Variants in DPP10 observed in about 807,000 individuals in gnomAD.
DPP10 encodes inactive dipeptidyl peptidase 10.
In DPP10, 33 loss-of-function variants were observed where a neutral mutation model predicts 120.9. The ratio of observed to expected loss-of-function variants is 0.27; its 90% CI spans 0.21 to 0.37. DPP10 has a LOEUF of 0.37. Among genes scored for constraint, DPP10 ranks in the 10% least tolerant of loss-of-function variants. DPP10 has a pLI of 1.00. For synonymous variants in DPP10, 337 were observed against 326.1 expected (o/e 1.03, Z -0.36); for missense variants, 816 against 942.8 (o/e 0.87, Z 1.76).
intron 3 of DPP10, among the ~76,000 whole-genome samples, chr2:115,387,109 T>G (rs779057609): frequency 6.6e-6 from 1 of 152,078 alleles, no homozygotes; most frequent in East Asian, 1.9e-4. Flanking sequence ...GGGTCTGTGG[T>G]GCTTATGAAC....
At chr2:115,237,748 C>T (rs2105537653) in intron 1 of DPP10, among the ~76,000 whole-genome samples, 1 of 152,298 alleles carries the variant, frequency 6.6e-6, no homozygotes, top group African/African-American at 2.4e-5. Flanking sequence ...CTGTATAGAT[C>T]AGAGCAGCCA....
chr2:115,210,442 C>T (rs767292532), intron 1 of DPP10, among the ~76,000 whole-genome samples: 9 of 152,106 alleles, frequency 5.9e-5, no homozygotes, highest in Non-Finnish European at 1.3e-4. Flanking sequence ...TGGGTTGGTT[C>T]CAAGTCTTTG....
At chr2:115,715,114 C>T (rs1427914783) in intron 7 of DPP10, among the ~76,000 whole-genome samples, 3 of 149,822 alleles carry the variant, frequency 2.0e-5, no homozygotes, top group Admixed American at 6.6e-5. Context: ...CCGAGGGAGG[C>T]GGATCACCTG....
chr2:114,718,769 G>A (rs1242017338), intron 1 of DPP10, among the ~76,000 whole-genome samples: 1 of 152,186 alleles, frequency 6.6e-6, no homozygotes, highest in Admixed American at 6.5e-5. Flanking sequence ...GCTAGTCATA[G>A]AATTGTATAG....
intron 1 of DPP10, among the ~76,000 whole-genome samples, chr2:115,286,188 C>G (rs1371556435): frequency 5.3e-5 from 8 of 151,574 alleles, no homozygotes; most frequent in Non-Finnish European, 8.8e-5. Flanking sequence ...ATGCAAACAT[C>G]ATTAAAGTTT....
chr2:114,996,642 C>A (rs1277094977), intron 1 of DPP10, among the ~76,000 whole-genome samples: 1 of 152,072 alleles, frequency 6.6e-6, no homozygotes, highest in Non-Finnish European at 1.5e-5. Flanking sequence ...ATCCATTGGG[C>A]AGATCCATAG....
intron 3 of DPP10, among the ~76,000 whole-genome samples, chr2:115,421,785 C>T (rs2069984964): frequency 7.2e-6 from 1 of 139,612 alleles, no homozygotes; most frequent in Admixed American, 7.9e-5. Flanking sequence ...GCAGGAGAAT[C>T]GCTTGAACCC....
At chr2:115,638,202 A>G (rs1190728755) in intron 5 of DPP10, among the ~76,000 whole-genome samples, 2 of 152,208 alleles carry the variant, frequency 1.3e-5, no homozygotes, top group Admixed American at 1.3e-4. Context: ...AGTTGATTGC[A>G]CATTTCTTGT....
chr2:114,488,523 T>C (rs1353574332), intron 1 of DPP10, among the ~76,000 whole-genome samples: 4 of 152,224 alleles, frequency 2.6e-5, no homozygotes, highest in African/African-American at 9.6e-5. Flanking sequence ...TGATAAATGT[T>C]GAATTAGGGC....
intron 1 of DPP10, among the ~76,000 whole-genome samples, chr2:114,906,327 T>C (rs1274021212): frequency 1.3e-5 from 2 of 151,822 alleles, no homozygotes; most frequent in African/African-American, 4.8e-5. Flanking sequence ...GAGGTTGCAG[T>C]TAGCGGAGAT....
intron 1 of DPP10, among the ~76,000 whole-genome samples, chr2:114,920,437 C>T (rs973718810): frequency 4.6e-5 from 7 of 152,156 alleles, no homozygotes; most frequent in African/African-American, 1.4e-4. Flanking sequence ...CGTGCTAGCA[C>T]CTTCAATGTC....
At chr2:115,101,094 C>T (rs889103813) in intron 1 of DPP10, among the ~76,000 whole-genome samples, 12 of 152,150 alleles carry the variant, frequency 7.9e-5, no homozygotes, top group Admixed American at 7.9e-4. Context: ...CCTCATCACG[C>T]AGCCACAGGT....
At chr2:115,448,187 A>C (rs2072788019) in intron 3 of DPP10, among the ~76,000 whole-genome samples, 1 of 152,196 alleles carries the variant, frequency 6.6e-6, no homozygotes, top group African/African-American at 2.4e-5. Context: ...TACTTGAAAG[A>C]TTCTATTCCA....
chr2:115,703,668 A>G (rs927842827), intron 7 of DPP10, among the ~76,000 whole-genome samples: 1 of 152,006 alleles, frequency 6.6e-6, no homozygotes, highest in African/African-American at 2.4e-5. Context: ...ATTATTGAGA[A>G]TATTCTTCTA....
intron 5 of DPP10, among the ~76,000 whole-genome samples, chr2:115,589,633 G>C (rs1170507088): frequency 6.6e-6 from 1 of 152,250 alleles, no homozygotes; most frequent in Non-Finnish European, 1.5e-5. Context: ...ATCAAAGCTA[G>C]CAAAATGAAA....
intron 5 of DPP10, among the ~76,000 whole-genome samples, chr2:115,607,285 T>G (rs937234510): frequency 2.6e-5 from 4 of 152,118 alleles, no homozygotes; most frequent in Non-Finnish European, 5.9e-5. Flanking sequence ...ATTCAAACAT[T>G]TAATAATAAT....
chr2:115,029,326 A>G (rs941975847), intron 1 of DPP10, among the ~76,000 whole-genome samples: 6 of 151,902 alleles, frequency 3.9e-5, no homozygotes, highest in East Asian at 1.9e-4. Context: ...TAGTTTTTTC[A>G]TCTTCATAGT....
At chr2:115,587,223 G>T (rs1478931066) in intron 5 of DPP10, among the ~76,000 whole-genome samples, 1 of 149,544 alleles carries the variant, frequency 6.7e-6, no homozygotes, top group African/African-American at 2.5e-5. Context: ...TCAGCTTCCC[G>T]AGTAGCTGGG....
chr2:115,225,629 A>G (rs1335338496), intron 1 of DPP10, among the ~76,000 whole-genome samples: 1 of 151,954 alleles, frequency 6.6e-6, no homozygotes, highest in Non-Finnish European at 1.5e-5. Flanking sequence ...GGTATCAATG[A>G]AGTTTCCTAG....
Sources: gnomAD v4.1 joint callset for allele counts (sites outside exome capture counted in the v4.1 genomes callset) on GRCh38, gnomAD v4.1.1 for gene constraint, MANE v1.5 for transcripts, NCBI Gene and HGNC (gene_info 2026-07-23, HGNC 2026-07-21) for gene names.